Variants in SH3BP2 observed in about 807,000 individuals in gnomAD.
SH3BP2 encodes SH3 domain binding protein 2.
A neutral mutation model predicts 56.2 loss-of-function variants in SH3BP2; 38 were observed. The observed-to-expected ratio is 0.68, with a 90% CI of 0.52 to 0.89. The LOEUF is 0.89. SH3BP2 is among the 40% of genes least tolerant of loss of function. The probability of loss-of-function intolerance (pLI) is 0.00; values close to 1 mark genes in which losing one functional copy is unlikely to be tolerated. For synonymous variants in SH3BP2, 346 were observed against 316.7 expected, an observed-to-expected ratio of 1.09 and a Z score of -0.98; for missense variants, 748 against 762.6, an observed-to-expected ratio of 0.98 and a Z score of 0.23.
chr4:2,804,840 C>G (rs1282814112), intron 1 of SH3BP2, among the ~76,000 whole-genome samples: 1 of 152,244 alleles, frequency 6.6e-6, no homozygotes, highest in African/African-American at 2.4e-5. Flanking sequence ...CAGGTGGCCC[C>G]AGGCTCTGGG....
In SH3BP2 at chr4:2,831,449, C is replaced by T; in HGVS notation, c.1242-122C>T. On this transcript the variant is annotated intron_variant, in intron 8 of 12. Coordinates refer to ENST00000503393, the MANE Select transcript of SH3BP2 (RefSeq NM_001122681.2). The surrounding 1 kb of genome is among the most constrained non-coding windows in gnomAD (Gnocchi z 4.1). ...TGTTGTCCTGAGCTTTTTAGGGTCA[C>T]AGGGGCCATAGCAGGCAGCTTGCCG... is the stretch of plus-strand genomic sequence containing the variant. 1.3e-6 allele frequency: 1 copy of T among 762,602 alleles called. No homozygotes were observed. The highest frequency in any genetic ancestry group is 1.5e-5 in the South Asian group (1 of 67,252). The allele number at this position is 762,602 out of a possible 1,614,324, so 47.2% of individuals were successfully genotyped here.
At chr4:2,812,113 G>T in intron 1 of SH3BP2, 1 of 1,268,070 alleles carries the variant, frequency 7.9e-7, no homozygotes, top group Non-Finnish European at 1.0e-6. Context: ...GGGAGGGCAG[G>T]AGCAGTGGAA....
chr4:2,804,018 G>A (rs973312236), intron 1 of SH3BP2, among the ~76,000 whole-genome samples: 58 of 152,162 alleles, frequency 3.8e-4, no homozygotes, highest in African/African-American at 1.3e-3. Context: ...GCCGAGTGGA[G>A]TGACACTGTG....
chr4:2,815,111 G>C (rs1723936387), intron 1 of SH3BP2, among the ~76,000 whole-genome samples: 1 of 152,196 alleles, frequency 6.6e-6, no homozygotes, highest in Non-Finnish European at 1.5e-5. Context: ...ACTTCCCCAA[G>C]AGCAGCATGG....
At chr4:2,830,638 C>T (rs1203541033) in intron 8 of SH3BP2, among the ~76,000 whole-genome samples, 3 of 152,238 alleles carry the variant, frequency 2.0e-5, no homozygotes, top group Non-Finnish European at 2.9e-5. Context: ...GTAGAGATTA[C>T]GGGCGTGAGC....
chr4:2,799,778 G>C (rs1442549802), intron 1 of SH3BP2, among the ~76,000 whole-genome samples: 2 of 152,212 alleles, frequency 1.3e-5, no homozygotes, highest in Non-Finnish European at 2.9e-5. Context: ...AAAGATGCCA[G>C]GGGCGCCTCA....
rs575030089 is a variant in SH3BP2 at position 2,816,590 on chromosome 4, C to G, written c.-4-4024C>G. Reference sequence around the variant, plus strand: ...TGTTAGCTGTGGGTTTTTCATAGAACCCTTTATCAGATTGAGGAACTTCCC... The same window carrying G: ...TGTTAGCTGTGGGTTTTTCATAGAAGCCTTTATCAGATTGAGGAACTTCCC... On this transcript the variant is annotated intron_variant, in intron 1 of 12. Transcript: ENST00000503393. 1.3e-4 allele frequency among the ~76,000 whole-genome samples: 20 copies of G among 152,268 alleles called. No individual in the cohort carries two copies. In the South Asian group the frequency reaches 4.1e-3, roughly 32 times the overall value.
intron 1 of SH3BP2, among the ~76,000 whole-genome samples, chr4:2,813,294 T>G (rs1577347740): frequency 6.6e-6 from 1 of 152,124 alleles, no homozygotes; most frequent in South Asian, 2.1e-4. Flanking sequence ...CCGGGGGTGG[T>G]GCGTGAGCCA....
At chr4:2,818,577 C>A in intron 1 of SH3BP2, 1 of 506,032 alleles carries the variant, frequency 2.0e-6, no homozygotes, top group Non-Finnish European at 2.7e-6. Context: ...CTCAGGCCGG[C>A]ACGGGGCTTG....
intron 1 of SH3BP2, among the ~76,000 whole-genome samples, chr4:2,817,542 T>C (rs924043365): frequency 6.6e-6 from 1 of 152,122 alleles, no homozygotes; most frequent in Non-Finnish European, 1.5e-5. Flanking sequence ...CACCTGCATC[T>C]GGCCCATCTT....
At position 2,834,064 on chromosome 4, in the gene SH3BP2, C is replaced by CT; in HGVS notation, c.*231dup. On this transcript the variant is annotated 3_prime_UTR_variant, in exon 13 of 13. Coordinates refer to ENST00000503393, the MANE Select transcript of SH3BP2 (RefSeq NM_001122681.2). ...GACGAAGGGACTCTGTTGCCCCACA[C>CT]TAACTTGCCCTGTCCCAATCCCAGA... 1.8e-6 allele frequency: 1 copy of CT among 568,760 alleles called. No individual in the cohort carries two copies. The highest frequency in any genetic ancestry group is 3.1e-6 in the Non-Finnish European group (1 of 319,822). 35.2% of individuals were successfully genotyped at this position (568,760 alleles called of 1,614,324 possible). A position where few individuals can be genotyped will look rare whatever the true frequency, so the allele number is the denominator to read the frequency against.
chr4:2,826,993 ATGTG>A (rs536073174), intron 5 of SH3BP2: 8 of 668,840 alleles, frequency 1.2e-5, no homozygotes, highest in African/African-American at 1.8e-5. Context: ...GTATGTGTGC[ATGTG>A]TGTGTCTGTC....
chr4:2,827,512 C>T (rs751611838), intron 6 of SH3BP2, 94 bp from the exon 7 acceptor site: 9 of 1,380,592 alleles, frequency 6.5e-6, no homozygotes, highest in Non-Finnish European at 9.1e-6. Flanking sequence ...GGTGCTTGCC[C>T]CTTGCCTCCT....
intron 1 of SH3BP2, among the ~76,000 whole-genome samples, chr4:2,815,800 C>T (rs995491698): frequency 1.3e-5 from 2 of 152,180 alleles, no homozygotes; most frequent in Non-Finnish European, 2.9e-5. Flanking sequence ...CTGGGTGTCC[C>T]CCCTGGGCTG....
At chr4:2,825,055 G>A (rs1348599952) in intron 4 of SH3BP2, 71 bp from the exon 5 acceptor site, 6 of 1,373,864 alleles carry the variant, frequency 4.4e-6, no homozygotes, top group Middle Eastern at 1.8e-4. Flanking sequence ...AGGCAGGGCA[G>A]TGAAGGTGGA....
chr4:2,799,690 C>T (rs1009620923), intron 1 of SH3BP2, among the ~76,000 whole-genome samples: 7 of 152,206 alleles, frequency 4.6e-5, no homozygotes, highest in African/African-American at 1.4e-4. Flanking sequence ...CAGGCCCCCT[C>T]GAAGACCTAC....
intron 1 of SH3BP2, chr4:2,818,118 C>T (rs1268525395): frequency 4.5e-6 from 3 of 670,860 alleles, no homozygotes; most frequent in African/African-American, 3.9e-5. Flanking sequence ...CACGGTGACG[C>T]GGCAGGGGGC....
At chr4:2,821,819 A>G (rs1724323955) in intron 2 of SH3BP2, among the ~76,000 whole-genome samples, 1 of 152,114 alleles carries the variant, frequency 6.6e-6, no homozygotes, top group East Asian at 1.9e-4. Context: ...TGCTGGGATT[A>G]CAGGTGTGAG....
chr4:2,795,922 G>C (rs1440057804), intron 1 of SH3BP2, among the ~76,000 whole-genome samples: 1 of 152,196 alleles, frequency 6.6e-6, no homozygotes, highest in Admixed American at 6.5e-5. Flanking sequence ...AGGGGCTGGA[G>C]ACAGTCCCAC....
Sources: gnomAD v4.1 joint callset for allele counts (sites outside exome capture counted in the v4.1 genomes callset) on GRCh38, gnomAD v4.1.1 for gene constraint, Gnocchi (gnomAD v3.1) non-coding constraint, MANE v1.5 for transcripts, NCBI Gene and HGNC (gene_info 2026-07-23, HGNC 2026-07-21) for gene names.